Variants in STOX2 observed in about 807,000 individuals in gnomAD.
STOX2 encodes the protein storkhead box 2.
Under a neutral mutation model 60.9 loss-of-function variants are expected in STOX2, and 28 were observed. That is an observed-to-expected ratio of 0.46 (90% CI 0.34 to 0.63). STOX2 has a LOEUF of 0.63. Among genes scored for constraint, STOX2 ranks in the 30% least tolerant of loss-of-function variants. The pLI, the probability that STOX2 is intolerant of heterozygous loss-of-function variation, is 0.01. For synonymous variants in STOX2, 472 were observed against 463.9 expected, an observed-to-expected ratio of 1.02 and a Z score of -0.22; for missense variants, 1,024 against 1,187.7, an observed-to-expected ratio of 0.86 and a Z score of 2.03.
chr4:183,881,000 G>A (rs1294486910), intron 1 of STOX2, among the ~76,000 whole-genome samples: 11 of 152,144 alleles, frequency 7.2e-5, no homozygotes, highest in East Asian at 5.8e-4. Context: ...GAAGAAGAGT[G>A]AAAACATTCT....
upstream of STOX2, among the ~76,000 whole-genome samples, chr4:183,902,450 G>A (rs918686586): frequency 6.6e-6 from 1 of 152,102 alleles, no homozygotes; most frequent in African/African-American, 2.4e-5. Context: ...AAATCGATTT[G>A]CTTTATCATT....
At position 183,822,640 on chromosome 4, in the gene STOX2, G is replaced by A. The variant is rs145903703; in HGVS notation, c.364+24585G>A. 2.0e-4 allele frequency among the ~76,000 whole-genome samples: 30 copies of A among 152,294 alleles called. No individual in the cohort carries two copies. In the East Asian group the frequency reaches 5.2e-3, roughly 26 times the overall value. On this transcript the variant is annotated intron_variant, in intron 1 of 2. Coordinates refer to the STOX2 transcript ENST00000513034. ...CGCTGCCGCGGATCTGACAGGAGGC[G>A]CAGCTCAGGTGGCCATCTGAGCGAT...
chr4:183,869,094 G>A (rs144622949), intron 1 of STOX2, among the ~76,000 whole-genome samples: 69 of 152,264 alleles, frequency 4.5e-4, no homozygotes, highest in African/African-American at 1.6e-3. Context: ...GTATTTATTT[G>A]CTGTGTGAAA....
chr4:183,949,439 C>T (rs1743001793), intron 1 of STOX2, among the ~76,000 whole-genome samples: 1 of 152,164 alleles, frequency 6.6e-6, no homozygotes, highest in African/African-American at 2.4e-5. Context: ...GTGGCTCATG[C>T]CTGTAATCCC....
At chr4:183,898,401 G>T (rs1007330002) in intron 1 of STOX2, among the ~76,000 whole-genome samples, 1 of 152,168 alleles carries the variant, frequency 6.6e-6, no homozygotes, top group African/African-American at 2.4e-5. Context: ...GGGAGACTGG[G>T]CATAAAGATG....
At chr4:183,913,020 T>C (rs1299932978) in intron 1 of STOX2, among the ~76,000 whole-genome samples, 2 of 152,030 alleles carry the variant, frequency 1.3e-5, no homozygotes, top group African/African-American at 4.8e-5. Context: ...GTTGGGGTGG[T>C]TGATGTGGTT....
chr4:183,827,552 T>A (rs1469403985), intron 1 of STOX2, among the ~76,000 whole-genome samples: 1 of 151,928 alleles, frequency 6.6e-6, no homozygotes, highest in Non-Finnish European at 1.5e-5. Context: ...TGAGTTCCTC[T>A]TTACTCAGCT....
chr4:183,940,299 G>A (rs904176234), intron 1 of STOX2, among the ~76,000 whole-genome samples: 1 of 152,214 alleles, frequency 6.6e-6, no homozygotes, highest in Non-Finnish European at 1.5e-5. Context: ...AAAACTGCTA[G>A]GGCAAAAGAA....
Position 183,857,125 on chromosome 4 carries a change from A to G in STOX2, c.364+59070A>G, listed in dbSNP as rs149157622. Among the ~76,000 whole-genome samples the G allele has an allele frequency of 7.2e-3, 1,090 of 152,174 alleles. 12 individuals are homozygous for G. The highest frequency in any genetic ancestry group is 0.025 in the African/African-American group (1,039 of 41,512). ...GACTGGTTGTCCCACAGGACTGGTC[A>G]TCCTGCAGAACTGGTTATCCCGCAG... On this transcript the variant is annotated intron_variant, in intron 1 of 2. Transcript: ENST00000513034.
intron 1 of STOX2, among the ~76,000 whole-genome samples, chr4:183,850,443 A>T (rs377149731): frequency 1.2e-4 from 19 of 152,226 alleles, no homozygotes; most frequent in Admixed American, 9.8e-4. Context: ...AAAAAAGTCA[A>T]AAGGGCTGGG....
At chr4:183,887,684 C>T (rs1200455478) in intron 1 of STOX2, among the ~76,000 whole-genome samples, 2 of 152,218 alleles carry the variant, frequency 1.3e-5, no homozygotes, top group Non-Finnish European at 2.9e-5. Context: ...GGTTATACCT[C>T]TAATAAGTGC....
intron 1 of STOX2, among the ~76,000 whole-genome samples, chr4:183,871,779 A>G (rs1275216401): frequency 6.6e-6 from 1 of 152,110 alleles, no homozygotes; most frequent in Admixed American, 6.5e-5. Context: ...TCCTTATGTA[A>G]TAAGTGATCG....
intron 1 of STOX2, among the ~76,000 whole-genome samples, chr4:183,837,144 C>T (rs1194967175): frequency 3.3e-5 from 5 of 151,870 alleles, no homozygotes; most frequent in African/African-American, 7.3e-5. Context: ...GGAGCTTTCT[C>T]GGGGAGTGGG....
chr4:183,816,497 A>G (rs1739157712), intron 1 of STOX2, among the ~76,000 whole-genome samples: 1 of 152,152 alleles, frequency 6.6e-6, no homozygotes, highest in African/African-American at 2.4e-5. Context: ...GATACCCTAA[A>G]AGGAGGGAGG....
At chr4:184,003,678 T>C (rs1476600225) in intron 2 of STOX2, among the ~76,000 whole-genome samples, 1 of 152,242 alleles carries the variant, frequency 6.6e-6, no homozygotes, top group Non-Finnish European at 1.5e-5. Context: ...TGGATGGTCT[T>C]TGGCTCCTTA....
rs1406540735 is a variant in STOX2, at chr4:183,851,015, G to A, written c.364+52960G>A. ...GGATGAGGGAAAGGATGAGAGAAAGGATGAGAGAAACGATGAGGGAAAGGA... is the reference window on the plus strand; with the variant it reads ...GGATGAGGGAAAGGATGAGAGAAAGAATGAGAGAAACGATGAGGGAAAGGA... On this transcript the variant is annotated intron_variant, in intron 1 of 2. Transcript: ENST00000513034. 4.2e-5 allele frequency among the ~76,000 whole-genome samples: 6 copies of A among 142,930 alleles called. No individual in the cohort carries two copies. The East Asian group carries it at 6.5e-4, about 16-fold the overall frequency. 93.8% of individuals were successfully genotyped at this position (142,930 alleles called of 152,430 possible).
chr4:183,810,913 G>A (rs1298456481), intron 1 of STOX2, among the ~76,000 whole-genome samples: 1 of 152,046 alleles, frequency 6.6e-6, no homozygotes, highest in East Asian at 1.9e-4. Context: ...AAGGCACGAG[G>A]GGATTTCTGG....
intron 1 of STOX2, among the ~76,000 whole-genome samples, chr4:183,889,715 G>A (rs1741162895): frequency 6.6e-6 from 1 of 152,208 alleles, no homozygotes; most frequent in African/African-American, 2.4e-5. Context: ...GGTCTGCTGG[G>A]GCACGGCAGG....
At chr4:183,881,455 T>C (rs147810557) in intron 1 of STOX2, among the ~76,000 whole-genome samples, 1,686 of 152,266 alleles carry the variant, frequency 0.011, 37 homozygotes, top group African/African-American at 0.039. Flanking sequence ...TGAGCTGAGA[T>C]TGCACCACTG....
Sources: gnomAD v4.1 joint callset for allele counts (sites outside exome capture counted in the v4.1 genomes callset) on GRCh38, gnomAD v4.1.1 for gene constraint, MANE v1.5 for transcripts, NCBI Gene and HGNC (gene_info 2026-07-23, HGNC 2026-07-21) for gene names.